The following CDH4 variants were observed in gnomAD, a reference collection of about 807,000 sequenced individuals.
CDH4 encodes the protein cadherin 4.
In CDH4, 33 loss-of-function variants were observed where a neutral mutation model predicts 86.0. The ratio of observed to expected loss-of-function variants is 0.38; its 90% CI spans 0.29 to 0.51. The LOEUF (loss-of-function observed/expected upper bound fraction) is 0.51. Ranked by LOEUF, CDH4 falls within the 20% of genes least tolerant of loss-of-function variation. The pLI, the probability that CDH4 is intolerant of heterozygous loss-of-function variation, is 0.86. For synonymous variants in CDH4, 555 were observed against 549.4 expected (o/e 1.01, Z -0.14); for missense variants, 1,114 against 1,307.4 (o/e 0.85, Z 2.28).
At chr20:61,741,274 G>C (rs1384722545) in intron 2 of CDH4, among the ~76,000 whole-genome samples, 1 of 152,184 alleles carries the variant, frequency 6.6e-6, no homozygotes, top group African/African-American at 2.4e-5. Flanking sequence ...GGTCCCCCGG[G>C]CATCACTTCC....
chr20:61,878,567 C>T (rs1271397283), intron 7 of CDH4, among the ~76,000 whole-genome samples: 1 of 152,284 alleles, frequency 6.6e-6, no homozygotes, highest in East Asian at 1.9e-4. Flanking sequence ...CCCGCCTGGC[C>T]CCAGGTCTTC....
chr20:61,723,873 C>CAACA (rs1568778658), intron 2 of CDH4, among the ~76,000 whole-genome samples: 1 of 151,726 alleles, frequency 6.6e-6, no homozygotes, highest in South Asian at 2.1e-4. Context: ...CGGCTCCATG[C>CAACA]GGCAGGTGGG....
intron 2 of CDH4, among the ~76,000 whole-genome samples, chr20:61,701,154 G>A (rs772668369): frequency 3.3e-5 from 5 of 152,072 alleles, no homozygotes; most frequent in Middle Eastern, 3.2e-3. Context: ...TCTTCACATC[G>A]CCTTCCCTCT....
rs138773288 is a variant in CDH4, at chr20:61,841,821, A to G, written c.577-2847A>G. 1.6e-3 allele frequency among the ~76,000 whole-genome samples: 241 copies of G among 152,274 alleles called. 1 individual carries two copies. In the East Asian group the frequency reaches 0.018, roughly 12 times the overall value. On this transcript the variant is annotated intron_variant, in intron 4 of 15. Coordinates refer to ENST00000614565, the MANE Select transcript of CDH4 (RefSeq NM_001794.5). ...GCCTCCTCTCCTGGCGATGTCTCCT[A>G]GCACGTGAGCAGCCCCCTATTGGCA...
intron 2 of CDH4, among the ~76,000 whole-genome samples, chr20:61,513,110 C>T (rs113296617): frequency 1.2e-4 from 18 of 152,304 alleles, no homozygotes; most frequent in Admixed American, 3.3e-4. Context: ...ACAGGTAGGC[C>T]GTCCATTCCT....
chr20:61,511,904 A>G (rs1349391089), intron 2 of CDH4, among the ~76,000 whole-genome samples: 1 of 152,178 alleles, frequency 6.6e-6, no homozygotes, highest in Non-Finnish European at 1.5e-5. Context: ...ATATCTGGAA[A>G]ATTCTTACAT....
intron 13 of CDH4, 57 bp downstream of exon 13, chr20:61,929,899 C>A: frequency 7.1e-7 from 1 of 1,402,382 alleles, no homozygotes; most frequent in Non-Finnish European, 1.0e-6. Context: ...AGTGCCCTGT[C>A]CCAGGCATGG....
At position 61,429,984 on chromosome 20, in the gene CDH4, C is replaced by G. The variant is rs992653134; in HGVS notation, c.169+175047C>G. On this transcript the variant is annotated intron_variant, in intron 2 of 15. Coordinates refer to ENST00000614565, the MANE Select transcript of CDH4 (RefSeq NM_001794.5). Reference sequence around the variant, plus strand: ...GTGCCGAGCATGGCTTGGAGCCATGCTTCTCACCTGGAGATGCCCTTAAAA... The same window carrying G: ...GTGCCGAGCATGGCTTGGAGCCATGGTTCTCACCTGGAGATGCCCTTAAAA... Among the ~76,000 whole-genome samples, 6 of 152,344 alleles carry G rather than the reference C, an allele frequency of 3.9e-5. No individual in the cohort carries two copies. In the Middle Eastern group the frequency reaches 0.02, roughly 518 times the overall value.
intron 6 of CDH4, among the ~76,000 whole-genome samples, chr20:61,871,796 A>G (rs1177007057): frequency 6.6e-6 from 1 of 152,228 alleles, no homozygotes; most frequent in African/African-American, 2.4e-5. Flanking sequence ...TGATTGAACT[A>G]TAATTCACGT....
chr20:61,281,126 G>A, intron 2 of CDH4, among the ~76,000 whole-genome samples: 1 of 152,214 alleles, frequency 6.6e-6, no homozygotes, highest in East Asian at 1.9e-4. Flanking sequence ...GGACAGCCCA[G>A]ACGGAGAGGA....
intron 2 of CDH4, among the ~76,000 whole-genome samples, chr20:61,739,982 C>T (rs758212176): frequency 6.6e-6 from 1 of 152,280 alleles, no homozygotes; most frequent in Non-Finnish European, 1.5e-5. Context: ...CAGTGCATGC[C>T]GACACCCACA....
At chr20:61,814,790 C>A (rs2153934) in intron 4 of CDH4, among the ~76,000 whole-genome samples, 44,515 of 152,108 alleles carry the variant, frequency 0.29, 6,767 homozygotes, top group Non-Finnish European at 0.3. Context: ...GCAGTGCTCA[C>A]GGTATTCGTG....
chr20:61,268,158 G>A (rs1444480708), intron 2 of CDH4, among the ~76,000 whole-genome samples: 1 of 152,268 alleles, frequency 6.6e-6, no homozygotes, highest in Non-Finnish European at 1.5e-5. Flanking sequence ...GAGAGCCAGT[G>A]CCTGGAATGG....
intron 2 of CDH4, among the ~76,000 whole-genome samples, chr20:61,344,566 T>G (rs1436835104): frequency 6.6e-6 from 1 of 152,216 alleles, no homozygotes; most frequent in Admixed American, 6.5e-5. Flanking sequence ...TATTTGCCAT[T>G]GTTCTCAGTG....
chr20:61,507,073 T>C (rs2085746111), intron 2 of CDH4, among the ~76,000 whole-genome samples: 1 of 152,224 alleles, frequency 6.6e-6, no homozygotes, highest in Non-Finnish European at 1.5e-5. Context: ...GAGTGTTTTG[T>C]TTTCCTAAAT....
chr20:61,471,133 G>A lies in CDH4; in HGVS notation c.169+216196G>A, dbSNP rs1255924781. ...ATTGATATTAGTTCTTTAAATATTT[G>A]GTAAAATTCAGCAGTGAAGCCAGTG... On this transcript the variant is annotated intron_variant, in intron 2 of 15. Coordinates refer to ENST00000614565, the MANE Select transcript of CDH4 (RefSeq NM_001794.5). Among the ~76,000 whole-genome samples, 4 of 151,896 alleles carry A rather than the reference G, an allele frequency of 2.6e-5. No individual in the cohort carries two copies. In the East Asian group the frequency reaches 7.7e-4, roughly 29 times the overall value.
intron 2 of CDH4, among the ~76,000 whole-genome samples, chr20:61,629,120 C>T (rs2145785271): frequency 6.6e-6 from 1 of 152,366 alleles, no homozygotes; most frequent in South Asian, 2.1e-4. Flanking sequence ...GAGCAGCTGC[C>T]ACTTTGCATA....
At chr20:61,469,615 T>TG (rs1472411401) in intron 2 of CDH4, among the ~76,000 whole-genome samples, 9 of 152,312 alleles carry the variant, frequency 5.9e-5, no homozygotes, top group Admixed American at 5.9e-4. Flanking sequence ...TTGTGGGTGT[T>TG]ATTCAAGAAA....
rs189346105 is a variant in CDH4 at position 61,544,637 on chromosome 20, C to T, written c.170-198926C>T. ...GGCAGACAGGGCCCACCAGACCCCA[C>T]GCTGCTCTACTCCGCACCGGCCCCC... is the stretch of plus-strand genomic sequence containing the variant. On this transcript the variant is annotated intron_variant, in intron 2 of 15. Transcript: ENST00000614565. This position sits in a 1 kb window ranked among gnomAD's most constrained non-coding sequence, Gnocchi z 6.5. Among the ~76,000 whole-genome samples, 31 of 152,130 alleles carry T rather than the reference C, an allele frequency of 2.0e-4. No homozygotes were observed. The highest frequency in any genetic ancestry group is 3.2e-4 in the Non-Finnish European group (22 of 68,006).
Sources: allele counts gnomAD v4.1 joint callset (sites outside exome capture counted in the v4.1 genomes callset), GRCh38; gene constraint gnomAD v4.1.1; non-coding constraint Gnocchi (gnomAD v3.1); transcripts MANE v1.5; gene names NCBI Gene and HGNC (gene_info 2026-07-23, HGNC 2026-07-21).